RPL4: variants seen among roughly 807,000 people sequenced by gnomAD.
The protein encoded by RPL4 is ribosomal protein L4.
RPL4 carries 3 observed loss-of-function variants against 47.7 expected under a neutral mutation model. The observed-to-expected ratio is 0.06, with a 90% CI of 0.03 to 0.16. The LOEUF (loss-of-function observed/expected upper bound fraction) is 0.16, where lower values mean the gene tolerates loss of function less well. Among genes scored for constraint, RPL4 ranks in the 10% least tolerant of loss-of-function variants. The pLI is 1.00. For missense variants in RPL4, 413 were observed against 551.3 expected, an observed-to-expected ratio of 0.75 and a Z score of 2.51; for synonymous variants, 208 against 182.1, an observed-to-expected ratio of 1.14 and a Z score of -1.15.
chr15:66,501,971 A>C, intron 4 of RPL4, 59 bp from the exon 5 acceptor site: 2 of 1,579,182 alleles, frequency 1.3e-6, no homozygotes, highest in Non-Finnish European at 1.7e-6. Flanking sequence ...AAAAAAAAAA[A>C]ATCAAACATT....
rs375872377 is a variant in RPL4, at chr15:66,501,782, A to C, written c.546+6T>G. On this transcript the variant is annotated splice_donor_region_variant and intron_variant, in intron 5 of 9. Transcript: ENST00000307961. ...ACCAAACTGTAAATGTGCTCATTGA[A>C]CGGACCTTTTTGATATCATTCCAGG... is the stretch of plus-strand genomic sequence containing the variant. 1 of 1,608,176 alleles carries C rather than the reference A, an allele frequency of 6.2e-7. No homozygotes were observed. Among genetic ancestry groups the C allele is most frequent in the African/African-American group, 1.3e-5 (1 of 74,556 alleles).
At position 66,502,733 on chromosome 15, in the gene RPL4, T is replaced by A; in HGVS notation, c.300A>T (p.Arg100=). 1 of 1,614,138 alleles carries A rather than the reference T, an allele frequency of 6.2e-7. No individual in the cohort carries two copies. The highest frequency in any genetic ancestry group is 2.2e-5 in the East Asian group (1 of 44,884). Residue 100 remains arginine (R), a synonymous_variant, in exon 4 of 10, where the codon CGA becomes CGT. Coordinates refer to ENST00000307961, the MANE Select transcript of RPL4 (RefSeq NM_000968.4). ...GCCAGGTTTTGGTTGGTGCAAACAT[T>A]CGGCCTCCACGACACATCTATTTTT... ...GAFGNMCRGG[R]MFAPTKTWRR...
At chr15:66,500,854 G>A in intron 7 of RPL4, 95 bp downstream of exon 7, 4 of 1,440,158 alleles carry the variant, frequency 2.8e-6, no homozygotes, top group Non-Finnish European at 3.8e-6. Context: ...GCACATAAGG[G>A]GAAATGGGAA....
rs1893526627 is a variant in RPL4 at position 66,498,612 on chromosome 15, C to A, written c.*795G>T. On this transcript the variant is annotated 3_prime_UTR_variant, in exon 10 of 10. Coordinates refer to ENST00000307961, the MANE Select transcript of RPL4 (RefSeq NM_000968.4). ...GCAGTCCTGAAAAATGCTTCTGGTACTTTTCAGAGAGTCTTGCTCTGACGC... is the reference window on the plus strand; with the variant it reads ...GCAGTCCTGAAAAATGCTTCTGGTAATTTTCAGAGAGTCTTGCTCTGACGC... 1 of 152,186 alleles carries A rather than the reference C, an allele frequency of 6.6e-6. No homozygotes were observed. The highest frequency in any genetic ancestry group is 2.4e-5 in the African/African-American group (1 of 41,444). 9.4% of individuals were successfully genotyped at this position (152,186 alleles called of 1,614,324 possible).
In RPL4 at chr15:66,502,664, G is replaced by T. The variant is rs1893644835; in HGVS notation, c.369C>A (p.Ala123=). 1 of 1,613,352 alleles carries T rather than the reference G, an allele frequency of 6.2e-7. No homozygotes were observed. The highest frequency in any genetic ancestry group is 1.3e-5 in the African/African-American group (1 of 74,894). Residue 123 remains alanine, a synonymous_variant, in exon 4 of 10, where the codon GCC becomes GCA. Coordinates refer to ENST00000307961, the MANE Select transcript of RPL4 (RefSeq NM_000968.4). ...RRVNTTQKRY[A]ICSALAASAL... is the part of the protein sequence containing the mutation. The stretch of plus-strand genomic sequence containing the variant: ...CTGAGGCAGCCAGGGCAGAACAGAT[G>T]GCGTATCGTTTTTGGGTTGTGTTCA...
Position 66,499,235 on chromosome 15 carries a change from TA to T in RPL4, c.*171del. The T allele has an allele frequency of 1.4e-6, 1 of 736,244 alleles. No homozygotes were observed. The allele number at this position is 736,244 out of a possible 1,614,324, so 45.6% of individuals were successfully genotyped here. On this transcript the variant is annotated 3_prime_UTR_variant, in exon 10 of 10. Coordinates refer to ENST00000307961, the MANE Select transcript of RPL4 (RefSeq NM_000968.4). ...ATGCCCCATTTTATACCACACTATA[TA>T]AAATGTAACAGTCTAAATTATGGCC... is the stretch of plus-strand genomic sequence containing the variant.
At position 66,499,661 on chromosome 15, in the gene RPL4, A is replaced by G. The variant is rs770015409; in HGVS notation, c.1039-9T>C. 2.0e-5 allele frequency: 33 copies of G among 1,613,388 alleles called. No homozygotes were observed. In the Admixed American group the frequency reaches 5.2e-4, roughly 25 times the overall value. On this transcript the variant is annotated splice_polypyrimidine_tract_variant and intron_variant, in intron 9 of 9. Coordinates refer to ENST00000307961, the MANE Select transcript of RPL4 (RefSeq NM_000968.4). ...TCCACCCGGAGCTTGTGCTGCAACA[A>G]ATTAGGCAGAAAACAGTAAGAATCA...
At chr15:66,500,249 A>T in intron 8 of RPL4, 44 bp downstream of exon 8, 1 of 1,613,310 alleles carries the variant, frequency 6.2e-7, no homozygotes, top group Non-Finnish European at 8.5e-7. Context: ...AACAACCAAT[A>T]GTATAGGGTT....
chr15:66,503,400 G>C lies in RPL4; in HGVS notation c.133C>G (p.Arg45Gly), dbSNP rs1208703077. ...DIVNFVHTNLRKNNRQPYAVS... is the reference protein window; with the variant it reads ...DIVNFVHTNLGKNNRQPYAVS... ...GCATAGGGCTGTCTGTTGTTTTTGC[G>C]CAAGTTGGTGTGAACAAAGTTCACA... The change falls in exon 2 of 10, where the codon CGC becomes GGC. Residue 45 changes from arginine (R) to glycine (G), a missense_variant. Transcript: ENST00000307961. 1.2e-6 allele frequency: 2 copies of C among 1,609,704 alleles called. No homozygotes were observed. The highest frequency in any genetic ancestry group is 2.7e-5 in the African/African-American group (2 of 74,886).
chr15:66,500,016 C>T (rs1257205088), intron 9 of RPL4, 40 bp downstream of exon 9: 1 of 1,609,994 alleles, frequency 6.2e-7, no homozygotes, highest in Non-Finnish European at 8.5e-7. Context: ...GAGCGAGATT[C>T]CGACTCAAAA....
intron 6 of RPL4, 108 bp from the exon 7 acceptor site, chr15:66,501,213 GA>G: frequency 1.3e-6 from 2 of 1,552,164 alleles, no homozygotes. Context: ...TATTAATTAT[GA>G]AGTTTCAACC....
chr15:66,499,440 T>A lies in RPL4; in HGVS notation c.1251A>T (p.Lys417Asn). 1 of 1,611,800 alleles carries A rather than the reference T, an allele frequency of 6.2e-7. No homozygotes were observed. Among genetic ancestry groups the A allele is most frequent in the Non-Finnish European group, 8.5e-7 (1 of 1,179,820 alleles). ...PAPEKKPAEK[K>N]PTTEEKKPAA ...CAGGCTTCTTCTCCTCTGTAGTAGG[T>A]TTCTTCTCTGCAGGCTTCTTTTCAG... Residue 417 changes from lysine to asparagine, a missense_variant, in exon 10 of 10, where the codon AAA (lysine) becomes AAT (asparagine). Transcript: ENST00000307961.
Position 66,498,912 on chromosome 15 carries a change from G to A in RPL4, c.*495C>T. On this transcript the variant is annotated 3_prime_UTR_variant, in exon 10 of 10. Transcript: ENST00000307961. ...CCTTCTGGCACTTTTTCAAACCATG[G>A]GTGAAAATACTCAACTCTATTGTTA... The A allele has an allele frequency of 6.4e-6, 1 of 155,466 alleles. No homozygotes were observed. The highest frequency in any genetic ancestry group is 1.4e-5 in the Non-Finnish European group (1 of 70,262). The allele number at this position is 155,466 out of a possible 1,614,324, so 9.6% of individuals were successfully genotyped here.
Position 66,500,383 on chromosome 15 carries a change from G to C in RPL4, c.834-7C>G, listed in dbSNP as rs780976707. The C allele has an allele frequency of 1.2e-6, 2 of 1,612,472 alleles. No homozygotes were observed. Among genetic ancestry groups the C allele is most frequent in the Non-Finnish European group, 1.7e-6 (2 of 1,178,742 alleles). On this transcript the variant is annotated splice_region_variant and splice_polypyrimidine_tract_variant and intron_variant, in intron 7 of 9. Transcript: ENST00000307961. ...CATCTTGTGCATGGGAAGACTGAAA[G>C]GGAAAAGATTGACATGTACATGTAA... is the stretch of plus-strand genomic sequence containing the variant.
In RPL4 at chr15:66,499,256, A is replaced by G; in HGVS notation, c.*151T>C. 2 of 900,288 alleles carry G rather than the reference A, an allele frequency of 2.2e-6. No homozygotes were observed. The highest frequency in any genetic ancestry group is 3.4e-6 in the Non-Finnish European group (2 of 591,114). The allele number at this position is 900,288 out of a possible 1,614,324, so 55.8% of individuals were successfully genotyped here. ...TATATAAAATGTAACAGTCTAAATT[A>G]TGGCCAACAAAATGTCACTTTAAAA... On this transcript the variant is annotated 3_prime_UTR_variant, in exon 10 of 10. Transcript: ENST00000307961.
chr15:66,500,499 TA>T (rs1380748175), intron 7 of RPL4, 123 bp from the exon 8 acceptor site: 1 of 852,602 alleles, frequency 1.2e-6, no homozygotes, highest in Non-Finnish European at 1.9e-6. Context: ...TCACTTCTCA[TA>T]AACATGGACC....
At chr15:66,503,767 A>G (rs2140719239) in intron 1 of RPL4, among the ~76,000 whole-genome samples, 1 of 152,350 alleles carries the variant, frequency 6.6e-6, no homozygotes, top group East Asian at 1.9e-4. Context: ...AAGCCTTATA[A>G]AGCACAATAG....
chr15:66,500,900 T>G lies in RPL4; in HGVS notation c.833+49A>C, dbSNP rs1446256921. 3 of 1,580,592 alleles carry G rather than the reference T, an allele frequency of 1.9e-6. No homozygotes were observed. The African/African-American group carries it at 4.1e-5, about 22-fold the overall frequency. ...AAACATGTAAGCCAATTCTGAATGT[T>G]AATATCCACAATATAAACATCTGTG... On this transcript the variant is annotated intron_variant, in intron 7 of 9. Transcript: ENST00000307961.
chr15:66,503,380 G>A lies in RPL4; in HGVS notation c.153C>T (p.Pro51=). The A allele has an allele frequency of 6.2e-7, 1 of 1,610,272 alleles. No individual in the cohort carries two copies. ...TACCTGCTAATTCACTGACAGCATA[G>A]GGCTGTCTGTTGTTTTTGCGCAAGT... ...HTNLRKNNRQ[P]YAVSELAGHQ... is the part of the protein sequence containing the mutation. Residue 51 remains proline, a synonymous_variant, in exon 2 of 10, where the codon CCC becomes CCT. Coordinates refer to ENST00000307961, the MANE Select transcript of RPL4 (RefSeq NM_000968.4).
Sources: gnomAD v4.1 joint callset for allele counts (sites outside exome capture counted in the v4.1 genomes callset) on GRCh38, gnomAD v4.1.1 for gene constraint, MANE v1.5 for transcripts, NCBI Gene and HGNC (gene_info 2026-07-23, HGNC 2026-07-21) for gene names.